Variants in AGMO observed in about 807,000 individuals in gnomAD.
AGMO encodes the protein alkylglycerol monooxygenase, also known as glyceryl-ether monooxygenase.
Under a neutral mutation model 60.2 loss-of-function variants are expected in AGMO, and 75 were observed. That is an observed-to-expected ratio of 1.25 (90% CI 1.03 to 1.51). The LOEUF (loss-of-function observed/expected upper bound fraction) is 1.51. Among genes scored for constraint, AGMO ranks in the 40% most tolerant of loss-of-function variants. AGMO has a pLI of 0.00. For synonymous variants in AGMO, 261 were observed against 177.1 expected (o/e 1.47, Z -3.76); for missense variants, 763 against 525.5 (o/e 1.45, Z -4.42).
intron 3 of AGMO, among the ~76,000 whole-genome samples, chr7:15,531,478 CTA>C (rs1784350267): frequency 9.4e-5 from 1 of 10,666 alleles, no homozygotes; most frequent in African/African-American, 6.0e-4. Context: ...TATATATTCT[CTA>C]TATATATTCT....
At chr7:15,339,239 C>G (rs1165700401) in intron 12 of AGMO, among the ~76,000 whole-genome samples, 2 of 152,142 alleles carry the variant, frequency 1.3e-5, no homozygotes, top group African/African-American at 4.8e-5. Flanking sequence ...GCAAAAATAT[C>G]TACAGGGCCA....
At chr7:15,286,299 AG>A (rs1784096023) in intron 12 of AGMO, among the ~76,000 whole-genome samples, 1 of 152,182 alleles carries the variant, frequency 6.6e-6, no homozygotes, top group Non-Finnish European at 1.5e-5. Context: ...ACAGAATGGC[AG>A]AAAGTATTTG....
chr7:15,535,558 C>T (rs1583660526), intron 3 of AGMO, among the ~76,000 whole-genome samples: 2 of 152,044 alleles, frequency 1.3e-5, no homozygotes, highest in Admixed American at 6.6e-5. Flanking sequence ...TGCCTCACTA[C>T]CTGGCATATT....
At chr7:15,313,174 ATGTTT>A (rs1353299240) in intron 12 of AGMO, among the ~76,000 whole-genome samples, 5 of 152,324 alleles carry the variant, frequency 3.3e-5, no homozygotes, top group Admixed American at 3.3e-4. Flanking sequence ...AACTCCTTCG[ATGTTT>A]TGTAACAATA....
chr7:15,256,143 A>C (rs1783092249), intron 12 of AGMO, among the ~76,000 whole-genome samples: 1 of 152,196 alleles, frequency 6.6e-6, no homozygotes, highest in Non-Finnish European at 1.5e-5. Flanking sequence ...GTTATTGGTA[A>C]TGACAGAATC....
intron 8 of AGMO, among the ~76,000 whole-genome samples, chr7:15,388,139 G>C (rs550984914): frequency 6.6e-6 from 1 of 152,136 alleles, no homozygotes; most frequent in South Asian, 2.1e-4. Flanking sequence ...GATTTTGCTA[G>C]TTTTCAATGA....
the AGMO span, among the ~76,000 whole-genome samples, chr7:15,137,351 G>A: frequency 6.6e-6 from 1 of 152,178 alleles, no homozygotes; most frequent in Admixed American, 6.5e-5. Flanking sequence ...ATTTTCTTCA[G>A]TCATGAAGAT....
chr7:15,369,174 C>A (rs894471212), intron 10 of AGMO, among the ~76,000 whole-genome samples: 1 of 151,974 alleles, frequency 6.6e-6, no homozygotes, highest in African/African-American at 2.4e-5. Flanking sequence ...ATACCCTATT[C>A]CACCCCAAGA....
At chr7:15,136,866 T>C in the AGMO span, among the ~76,000 whole-genome samples, 3 of 151,986 alleles carry the variant, frequency 2.0e-5, no homozygotes, top group African/African-American at 7.2e-5. Context: ...ATGGTTTACC[T>C]TCTAGATGTG....
the AGMO span, among the ~76,000 whole-genome samples, chr7:15,185,995 G>A: frequency 2.0e-5 from 3 of 152,172 alleles, no homozygotes; most frequent in Non-Finnish European, 4.4e-5. Flanking sequence ...TGGGCAAGAT[G>A]TCTAGTTACA....
At chr7:15,372,867 T>C (rs1783274886) in intron 10 of AGMO, among the ~76,000 whole-genome samples, 1 of 152,226 alleles carries the variant, frequency 6.6e-6, no homozygotes, top group Non-Finnish European at 1.5e-5. Context: ...CCATTTTAAT[T>C]TGGACGTATG....
At chr7:15,131,736 G>T in the AGMO span, among the ~76,000 whole-genome samples, 4 of 145,034 alleles carry the variant, frequency 2.8e-5, no homozygotes, top group Non-Finnish European at 6.0e-5. Context: ...TCACACTTAG[G>T]CTTAAAAAGC....
At chr7:15,253,990 T>A (rs541874351) in intron 12 of AGMO, among the ~76,000 whole-genome samples, 13 of 152,172 alleles carry the variant, frequency 8.5e-5, no homozygotes, top group Non-Finnish European at 1.8e-4. Context: ...CTTAACATAA[T>A]GTCCTCTAGG....
chr7:15,188,531 T>C, the AGMO span, among the ~76,000 whole-genome samples: 1 of 152,216 alleles, frequency 6.6e-6, no homozygotes, highest in African/African-American at 2.4e-5. Context: ...ATGAGCCAGA[T>C]ACATACTTTT....
chr7:15,379,093 C>A (rs1265722746), intron 10 of AGMO, among the ~76,000 whole-genome samples: 1 of 151,942 alleles, frequency 6.6e-6, no homozygotes, highest in Non-Finnish European at 1.5e-5. Flanking sequence ...ACACAACATA[C>A]CAGAATCTCT....
intron 12 of AGMO, among the ~76,000 whole-genome samples, chr7:15,344,180 T>C (rs1781953237): frequency 6.6e-6 from 1 of 152,168 alleles, no homozygotes; most frequent in African/African-American, 2.4e-5. Flanking sequence ...AAACAATGTA[T>C]GGCACATAGA....
intron 4 of AGMO, among the ~76,000 whole-genome samples, chr7:15,420,642 C>G (rs899218937): frequency 6.6e-6 from 1 of 152,110 alleles, no homozygotes; most frequent in African/African-American, 2.4e-5. Flanking sequence ...TCTTCTCTAC[C>G]TCCAAACTTT....
chr7:15,382,082 G>T (rs778968338), intron 10 of AGMO, among the ~76,000 whole-genome samples: 1 of 152,170 alleles, frequency 6.6e-6, no homozygotes, highest in East Asian at 1.9e-4. Flanking sequence ...TTAATACCTA[G>T]ATGATAAAAT....
intron 12 of AGMO, among the ~76,000 whole-genome samples, chr7:15,312,083 G>C (rs1378021551): frequency 1.3e-5 from 2 of 152,090 alleles, no homozygotes; most frequent in African/African-American, 4.8e-5. Flanking sequence ...GAGACAGGGA[G>C]AGAGAGAAAG....
Sources: allele counts gnomAD v4.1 joint callset (sites outside exome capture counted in the v4.1 genomes callset), GRCh38; gene constraint gnomAD v4.1.1; transcripts MANE v1.5; gene names NCBI Gene and HGNC (gene_info 2026-07-23, HGNC 2026-07-21).